The following RORA variants were observed in gnomAD, a reference collection of about 807,000 sequenced individuals.
RORA encodes the protein nuclear receptor ROR-alpha.
RORA carries 7 observed loss-of-function variants against 69.5 expected under a neutral mutation model. The observed-to-expected ratio is 0.10, with a 90% confidence interval of 0.06 to 0.19. The LOEUF is 0.19. Among genes scored for constraint, RORA ranks in the 10% least tolerant of loss-of-function variants. RORA has a pLI of 1.00. For synonymous variants in RORA, 261 were observed against 240.8 expected (o/e 1.08, Z -0.78); for missense variants, 457 against 663.0 (o/e 0.69, Z 3.41).
chr15:60,514,575 C>T (rs1277432745), intron 4 of RORA, 41 bp downstream of exon 4: 2 of 1,603,058 alleles, frequency 1.2e-6, no homozygotes, highest in Non-Finnish European at 8.5e-7. Flanking sequence ...GGCACTTTCA[C>T]AACCCCGTGC....
rs533782465 is a variant in RORA at position 60,511,998 on chromosome 15, C to T, written c.425-377G>A. On this transcript the variant is annotated intron_variant, in intron 4 of 10. Transcript: ENST00000335670. The surrounding 1 kb of genome is among the most constrained non-coding windows in gnomAD (Gnocchi z 6.4). ...GCTTAGGCTACCTCTTTCTCTCCCA[C>T]GTTCAGACCAAGGCACAGGGAAGCA... The T allele has an allele frequency of 2.4e-5, 5 of 205,664 alleles. No individual in the cohort carries two copies. The East Asian group carries it at 5.5e-4, about 22-fold the overall frequency. 12.7% of individuals were successfully genotyped at this position (205,664 alleles called of 1,614,324 possible). A position where few individuals can be genotyped will look rare whatever the true frequency, so the allele number is the denominator to read the frequency against.
intron 1 of RORA, among the ~76,000 whole-genome samples, chr15:60,846,600 C>T (rs1567212361): frequency 1.3e-5 from 2 of 152,170 alleles, no homozygotes; most frequent in African/African-American, 2.4e-5. Flanking sequence ...CAGAAGGCAC[C>T]TTTGTACTCA....
chr15:60,669,364 T>G (rs2070430895), intron 2 of RORA, among the ~76,000 whole-genome samples: 1 of 151,466 alleles, frequency 6.6e-6, no homozygotes, highest in African/African-American at 2.4e-5. Context: ...TGTTTGTTTG[T>G]TTGTTTGTTT....
intron 1 of RORA, among the ~76,000 whole-genome samples, chr15:60,925,987 G>C (rs1892206282): frequency 1.3e-5 from 2 of 152,180 alleles, no homozygotes; most frequent in African/African-American, 4.8e-5. Flanking sequence ...TGGCCTGCAT[G>C]GTCTGACATG....
intron 1 of RORA, among the ~76,000 whole-genome samples, chr15:61,173,604 T>C (rs1157785355): frequency 6.6e-6 from 1 of 152,198 alleles, no homozygotes; most frequent in East Asian, 1.9e-4. Flanking sequence ...TATCGTCTGA[T>C]GCTCTGGAAT....
intron 2 of RORA, among the ~76,000 whole-genome samples, chr15:60,584,241 G>T (rs1297445187): frequency 2.0e-5 from 3 of 152,184 alleles, no homozygotes; most frequent in Non-Finnish European, 4.4e-5. Context: ...CCAGGGATCC[G>T]CCTTCTTAAG....
intron 1 of RORA, among the ~76,000 whole-genome samples, chr15:60,685,789 TCAAAGCATTAGCAATGTTACGA>T (rs2070737559): frequency 6.6e-6 from 1 of 152,200 alleles, no homozygotes; most frequent in Non-Finnish European, 1.5e-5. Flanking sequence ...GTGGAAGGCA[TCAAAGCATTAGCAATGTTACGA>T]CAATCAAACA....
intron 1 of RORA, among the ~76,000 whole-genome samples, chr15:60,968,599 G>A (rs186688446): frequency 1.5e-4 from 23 of 152,168 alleles, no homozygotes; most frequent in African/African-American, 5.5e-4. Context: ...GGATATCAGG[G>A]ATTTTGTCTG....
intron 1 of RORA, among the ~76,000 whole-genome samples, chr15:61,030,796 A>G (rs1896125286): frequency 6.6e-6 from 1 of 152,166 alleles, no homozygotes; most frequent in Admixed American, 6.5e-5. Context: ...TTTATTTCTA[A>G]TAAAAGATAA....
chr15:60,717,390 C>T (rs2071234198), intron 1 of RORA, among the ~76,000 whole-genome samples: 1 of 152,192 alleles, frequency 6.6e-6, no homozygotes, highest in Non-Finnish European at 1.5e-5. Flanking sequence ...CAGCAGCACC[C>T]TCTTCTCTTT....
chr15:60,718,059 A>C (rs1402035566), intron 1 of RORA, among the ~76,000 whole-genome samples: 1 of 152,090 alleles, frequency 6.6e-6, no homozygotes, highest in African/African-American at 2.4e-5. Flanking sequence ...TTGGCCTCGC[A>C]CTGGGATTAC....
intron 1 of RORA, among the ~76,000 whole-genome samples, chr15:60,696,788 CT>C (rs2070913338): frequency 6.6e-6 from 1 of 152,174 alleles, no homozygotes; most frequent in South Asian, 2.1e-4. Flanking sequence ...AACCAGTGTT[CT>C]GAAATGACTA....
intron 1 of RORA, among the ~76,000 whole-genome samples, chr15:60,780,757 T>C (rs1370282026): frequency 6.6e-6 from 1 of 152,076 alleles, no homozygotes; most frequent in Non-Finnish European, 1.5e-5. Context: ...TTATTGAGGG[T>C]CTATTGTGTT....
intron 2 of RORA, among the ~76,000 whole-genome samples, chr15:60,604,626 G>T (rs895427823): frequency 6.6e-6 from 1 of 152,100 alleles, no homozygotes. Flanking sequence ...GCTTACCATA[G>T]TGCCTGGCAT....
At chr15:60,937,383 C>G (rs1265383794) in intron 1 of RORA, among the ~76,000 whole-genome samples, 2 of 152,154 alleles carry the variant, frequency 1.3e-5, no homozygotes, top group African/African-American at 4.8e-5. Context: ...TGAGAAAGCA[C>G]TCACCATCTT....
intron 1 of RORA, among the ~76,000 whole-genome samples, chr15:60,778,670 G>A (rs1034974600): frequency 1.6e-4 from 24 of 152,246 alleles, no homozygotes; most frequent in African/African-American, 4.1e-4. Context: ...TCCCTTTAGC[G>A]AAAAACAGAA....
intron 1 of RORA, among the ~76,000 whole-genome samples, chr15:61,224,845 C>T (rs1191076040): frequency 1.3e-5 from 2 of 152,142 alleles, no homozygotes; most frequent in African/African-American, 4.8e-5. Flanking sequence ...GTGCTACAGC[C>T]CCCACCTCTG....
intron 2 of RORA, among the ~76,000 whole-genome samples, chr15:60,568,490 C>CG (rs777212899): frequency 2.6e-4 from 40 of 152,296 alleles, no homozygotes; most frequent in Non-Finnish European, 4.9e-4. Flanking sequence ...TTGCATACCC[C>CG]GGCTCAGTGT....
intron 1 of RORA, among the ~76,000 whole-genome samples, chr15:60,768,004 C>G (rs2072015846): frequency 1.3e-5 from 2 of 152,224 alleles, no homozygotes; most frequent in South Asian, 4.1e-4. Flanking sequence ...CTACTCCATG[C>G]AGGGTGGCCT....
Sources: gnomAD v4.1 joint callset for allele counts (sites outside exome capture counted in the v4.1 genomes callset) on GRCh38, gnomAD v4.1.1 for gene constraint, Gnocchi (gnomAD v3.1) non-coding constraint, MANE v1.5 for transcripts, NCBI Gene and HGNC (gene_info 2026-07-23, HGNC 2026-07-21) for gene names.